Variants in MYCBP2 observed in about 807,000 individuals in gnomAD.
MYCBP2 encodes the protein E3 ubiquitin-protein ligase MYCBP2.
MYCBP2 carries 120 observed loss-of-function variants against 525.3 expected under a neutral mutation model. The observed-to-expected ratio is 0.23, with a 90% confidence interval of 0.20 to 0.27. The LOEUF is 0.27. Among genes scored for constraint, MYCBP2 ranks in the 10% least tolerant of loss-of-function variants. The probability of loss-of-function intolerance (pLI) is 1.00; values close to 1 mark genes in which losing one functional copy is unlikely to be tolerated. For synonymous variants in MYCBP2, 1,894 were observed against 1,955.8 expected (o/e 0.97, Z 0.83); for missense variants, 4,149 against 5,657.1 (o/e 0.73, Z 8.55).
rs558765133 is a variant in MYCBP2, at chr13:77,167,846, T to C, written c.6114+582A>G. On this transcript the variant is annotated intron_variant, in intron 40 of 82. Transcript: ENST00000544440. ...CACTGTACTAGCTTGTTTACTTCTA[T>C]ATGCTTAATAGTTTCTACCATGAAA... 2.6e-5 allele frequency among the ~76,000 whole-genome samples: 4 copies of C among 152,312 alleles called. No individual in the cohort carries two copies. In the East Asian group the frequency reaches 7.7e-4, roughly 29 times the overall value.
chr13:77,300,892 C>G (rs2154369388), intron 1 of MYCBP2, among the ~76,000 whole-genome samples: 1 of 152,296 alleles, frequency 6.6e-6, no homozygotes, highest in Non-Finnish European at 1.5e-5. Context: ...GCTGAGACCA[C>G]TGGCTTGTTC....
chr13:77,094,902 A>G (rs1244188835), intron 58 of MYCBP2, among the ~76,000 whole-genome samples: 1 of 152,172 alleles, frequency 6.6e-6, no homozygotes. Flanking sequence ...GAGTATGAGT[A>G]CATAGAAGCC....
intron 49 of MYCBP2, 50 bp downstream of exon 49, chr13:77,144,395 G>A: frequency 1.6e-6 from 2 of 1,259,932 alleles, no homozygotes; most frequent in Non-Finnish European, 1.2e-6. Context: ...AAATAATTTT[G>A]ACTCTAGTTA....
At position 77,251,237 on chromosome 13, in the gene MYCBP2, C is replaced by A. The variant is rs769462973; in HGVS notation, c.2295G>T (p.Gln765His). The change falls in exon 15 of 83, where the codon CAG becomes CAT. Residue 765 changes from glutamine (Q) to histidine (H), a missense_variant. Around this residue, in one of 21 missense-constraint regions of MYCBP2, gnomAD observed 620 missense variants for 795.5 expected, o/e 0.78. Transcript: ENST00000544440. ...CTCCACAGACAGTGCAAACCATGCA[C>A]TGCTCCAGCTTCCATTTGTGCATGC... ...PPGMHKWKLEQCMVCTVCGDC... is the reference protein window; with the variant it reads ...PPGMHKWKLEHCMVCTVCGDC... 3 of 1,614,098 alleles carry A rather than the reference C, an allele frequency of 1.9e-6. No individual in the cohort carries two copies. The East Asian group carries it at 6.7e-5, about 36-fold the overall frequency.
At chr13:77,169,184 G>A (rs185495876) in intron 39 of MYCBP2, among the ~76,000 whole-genome samples, 10 of 152,074 alleles carry the variant, frequency 6.6e-5, no homozygotes, top group African/African-American at 1.9e-4. Context: ...CGAGGCGGGC[G>A]GATCACGAGG....
intron 32 of MYCBP2, among the ~76,000 whole-genome samples, chr13:77,183,541 CTTTTTTTTTTTTTTTTTT>C (rs60927409): frequency 4.5e-5 from 3 of 66,050 alleles, no homozygotes; most frequent in Non-Finnish European, 2.4e-5. Context: ...GTCCCTATTT[CTTTTTTTTTTTTTTTTTT>C]TTTTTTTTTT....
chr13:77,195,021 G>A, intron 26 of MYCBP2, among the ~76,000 whole-genome samples: 1 of 86,474 alleles, frequency 1.2e-5, no homozygotes, highest in South Asian at 3.1e-4. Context: ...TTTAAAAAAT[G>A]TCCTTTTTTT....
chr13:77,091,644 A>C (rs148015779), intron 59 of MYCBP2, among the ~76,000 whole-genome samples: 9 of 152,102 alleles, frequency 5.9e-5, no homozygotes, highest in African/African-American at 2.2e-4. Flanking sequence ...GTTATTTCCA[A>C]ATATTTCCAG....
intron 28 of MYCBP2, among the ~76,000 whole-genome samples, chr13:77,190,892 G>A (rs1019395662): frequency 2.0e-5 from 3 of 152,146 alleles, no homozygotes; most frequent in African/African-American, 7.2e-5. Context: ...GAATTGACCT[G>A]CACTGGAATA....
intron 76 of MYCBP2, among the ~76,000 whole-genome samples, chr13:77,060,068 G>A (rs1243905653): frequency 6.6e-6 from 1 of 152,032 alleles, no homozygotes; most frequent in Admixed American, 6.6e-5. Flanking sequence ...TATGAAACTT[G>A]AAAAACAGAA....
At chr13:77,084,183 G>A (rs1566446713) in intron 62 of MYCBP2, among the ~76,000 whole-genome samples, 1 of 152,068 alleles carries the variant, frequency 6.6e-6, no homozygotes, top group African/African-American at 2.4e-5. Flanking sequence ...ATATGATAAG[G>A]AGAACTTCAT....
chr13:77,048,325 ACTGT>A, intron 82 of MYCBP2, among the ~76,000 whole-genome samples: 1 of 152,316 alleles, frequency 6.6e-6, no homozygotes, highest in East Asian at 1.9e-4. Flanking sequence ...GGTCTCCAGA[ACTGT>A]GAGAATAAAT....
At chr13:77,082,984 T>C (rs1270368775) in intron 63 of MYCBP2, 48 bp downstream of exon 63, 5 of 1,534,634 alleles carry the variant, frequency 3.3e-6, no homozygotes, top group Non-Finnish European at 4.4e-6. Flanking sequence ...GAATATTCCA[T>C]AAACTCTCTT....
chr13:77,111,144 T>C (rs982319966), intron 55 of MYCBP2, among the ~76,000 whole-genome samples: 4 of 152,142 alleles, frequency 2.6e-5, no homozygotes, highest in Non-Finnish European at 5.9e-5. Flanking sequence ...TGCAAAATCA[T>C]GAGAATGCTT....
intron 1 of MYCBP2, among the ~76,000 whole-genome samples, chr13:77,297,030 C>T (rs115930817): frequency 1.3e-5 from 2 of 152,192 alleles, no homozygotes; most frequent in African/African-American, 2.4e-5. Context: ...AAAAAATCTG[C>T]TCTTTTTGGT....
At chr13:77,285,338 A>C (rs570010324) in intron 3 of MYCBP2, among the ~76,000 whole-genome samples, 1 of 152,348 alleles carries the variant, frequency 6.6e-6, no homozygotes, top group South Asian at 2.1e-4. Flanking sequence ...ACTAAAAAGT[A>C]AATTATACAA....
chr13:77,274,113 A>C (rs1289939848), intron 4 of MYCBP2, among the ~76,000 whole-genome samples: 1 of 152,224 alleles, frequency 6.6e-6, no homozygotes, highest in African/African-American at 2.4e-5. Context: ...AAAATTGGCT[A>C]TATCATTAAC....
At chr13:77,272,250 A>G (rs2075000459) in intron 5 of MYCBP2, 1 of 152,162 alleles carries the variant, frequency 6.6e-6, no homozygotes, top group Admixed American at 6.5e-5. Flanking sequence ...GGATACCTAG[A>G]ACATTCTCTC....
intron 55 of MYCBP2, among the ~76,000 whole-genome samples, chr13:77,111,309 C>T (rs1243285778): frequency 6.6e-6 from 1 of 152,098 alleles, no homozygotes; most frequent in African/African-American, 2.4e-5. Context: ...CAACCGAACT[C>T]ATTTTTCCTT....
Sources: gnomAD v4.1 joint callset for allele counts (sites outside exome capture counted in the v4.1 genomes callset) on GRCh38, gnomAD v4.1.1 for gene constraint, gnomAD v4.1.1 regional missense constraint, MANE v1.5 for transcripts, NCBI Gene and HGNC (gene_info 2026-07-23, HGNC 2026-07-21) for gene names.